WASF1: variants seen among roughly 807,000 people sequenced by gnomAD.
WASF1 encodes WASP family member 1.
Under a neutral mutation model 50.5 loss-of-function variants are expected in WASF1, and 7 were observed. The ratio of observed to expected loss-of-function variants is 0.14; its 90% CI spans 0.08 to 0.26. The LOEUF is 0.26. Ranked by LOEUF, WASF1 falls within the 10% of genes least tolerant of loss-of-function variation. WASF1 has a pLI of 1.00. For missense variants in WASF1, 470 were observed against 694.7 expected, an observed-to-expected ratio of 0.68 and a Z score of 3.64; for synonymous variants, 205 against 244.0, an observed-to-expected ratio of 0.84 and a Z score of 1.49.
At chr6:110,162,378 G>C (rs1360068435) in intron 2 of WASF1, among the ~76,000 whole-genome samples, 3 of 145,730 alleles carry the variant, frequency 2.1e-5, no homozygotes, top group Non-Finnish European at 4.5e-5. Context: ...TAAAGGAACA[G>C]ACAGAAGCAG....
At position 110,137,246 on chromosome 6, in the gene WASF1, A is replaced by G. The variant is rs114496651; in HGVS notation, c.-28-9617T>C. Among the ~76,000 whole-genome samples, 243 of 152,300 alleles carry G rather than the reference A, an allele frequency of 1.6e-3. 3 individuals carry two copies. The highest frequency in any genetic ancestry group is 5.5e-3 in the African/African-American group (228 of 41,558). On this transcript the variant is annotated intron_variant, in intron 3 of 10. Coordinates refer to ENST00000392589, the MANE Select transcript of WASF1 (RefSeq NM_003931.3). ...CAAAACATTCAAAACTGAATTCCTTATATTTTCCCCTTCAAATCTAGGCAT... is the reference window on the plus strand; with the variant it reads ...CAAAACATTCAAAACTGAATTCCTTGTATTTTCCCCTTCAAATCTAGGCAT...
chr6:110,158,756 G>C (rs1776132587), intron 3 of WASF1, among the ~76,000 whole-genome samples: 1 of 151,822 alleles, frequency 6.6e-6, no homozygotes, highest in Non-Finnish European at 1.5e-5. Flanking sequence ...TTGGAGTTAA[G>C]AATGAAGATT....
At chr6:110,172,434 A>T (rs1386099195) in intron 2 of WASF1, among the ~76,000 whole-genome samples, 1 of 152,156 alleles carries the variant, frequency 6.6e-6, no homozygotes, top group Non-Finnish European at 1.5e-5. Flanking sequence ...AACAAAATTG[A>T]TAAATTTGTA....
intron 2 of WASF1, among the ~76,000 whole-genome samples, chr6:110,174,198 T>C (rs1340668915): frequency 6.6e-6 from 1 of 152,054 alleles, no homozygotes; most frequent in African/African-American, 2.4e-5. Flanking sequence ...CTAGCTAACT[T>C]CCACTAATCT....
chr6:110,141,410 T>C (rs781482925), intron 3 of WASF1, among the ~76,000 whole-genome samples: 2 of 152,166 alleles, frequency 1.3e-5, no homozygotes, highest in African/African-American at 2.4e-5. Flanking sequence ...TATATAATTG[T>C]TCAAGACTAG....
intron 3 of WASF1, among the ~76,000 whole-genome samples, chr6:110,131,700 G>T (rs113630774): frequency 0.017 from 2,634 of 152,118 alleles, 74 homozygotes; most frequent in African/African-American, 0.059. Context: ...ATGGGGTCCT[G>T]CCATGTTGTC....
At chr6:110,129,876 T>A (rs1774584137) in intron 3 of WASF1, among the ~76,000 whole-genome samples, 1 of 152,220 alleles carries the variant, frequency 6.6e-6, no homozygotes, top group Admixed American at 6.5e-5. Flanking sequence ...TTAAAGAGCG[T>A]ACGTTAAAAT....
At chr6:110,168,672 G>A (rs1776574080) in intron 2 of WASF1, among the ~76,000 whole-genome samples, 2 of 151,990 alleles carry the variant, frequency 1.3e-5, no homozygotes, top group South Asian at 2.1e-4. Flanking sequence ...TCTCTCTCGA[G>A]TACTCCACTG....
intron 3 of WASF1, among the ~76,000 whole-genome samples, chr6:110,153,396 A>C (rs1249016012): frequency 6.6e-6 from 1 of 152,162 alleles, no homozygotes; most frequent in African/African-American, 2.4e-5. Context: ...TGTACAATGT[A>C]ATGATAAACT....
chr6:110,113,713 T>C (rs1180907140), intron 4 of WASF1, among the ~76,000 whole-genome samples: 1 of 152,160 alleles, frequency 6.6e-6, no homozygotes, highest in Non-Finnish European at 1.5e-5. Flanking sequence ...AATAAATACA[T>C]TGAAAATTTT....
intron 2 of WASF1, among the ~76,000 whole-genome samples, chr6:110,168,753 A>G (rs1347091626): frequency 6.6e-6 from 1 of 152,004 alleles, no homozygotes; most frequent in African/African-American, 2.4e-5. Context: ...CTGTGCACAG[A>G]CTTTTTTAAT....
intron 2 of WASF1, among the ~76,000 whole-genome samples, chr6:110,169,404 G>C (rs1776601001): frequency 6.6e-6 from 1 of 152,098 alleles, no homozygotes; most frequent in Admixed American, 6.6e-5. Flanking sequence ...AAATCACTTA[G>C]GATTTGAGAT....
rs145857784 is a variant in WASF1, at chr6:110,132,821, G to A, written c.-28-5192C>T. ...TCATTCTGGAGTTACTTCACTTACA[G>A]TAATAGTCTCCAATTCCATTCAGCT... On this transcript the variant is annotated intron_variant, in intron 3 of 10. Transcript: ENST00000392589. Among the ~76,000 whole-genome samples, 1,162 of 151,638 alleles carry A rather than the reference G, an allele frequency of 7.7e-3. 7 individuals carry two copies. Among genetic ancestry groups the A allele is most frequent in the Non-Finnish European group, 0.013 (849 of 67,868 alleles).
At chr6:110,103,775 T>A (rs1773197337) in intron 8 of WASF1, among the ~76,000 whole-genome samples, 2 of 152,254 alleles carry the variant, frequency 1.3e-5, no homozygotes, top group African/African-American at 4.8e-5. Flanking sequence ...TCTACTATGA[T>A]GACCATCGGT....
intron 3 of WASF1, among the ~76,000 whole-genome samples, chr6:110,153,391 A>G (rs1445603655): frequency 6.6e-6 from 1 of 152,160 alleles, no homozygotes; most frequent in African/African-American, 2.4e-5. Flanking sequence ...CTAGCTGTAC[A>G]ATGTAATGAT....
At chr6:110,143,913 C>T (rs530068904) in intron 3 of WASF1, among the ~76,000 whole-genome samples, 23 of 152,246 alleles carry the variant, frequency 1.5e-4, no homozygotes, top group South Asian at 6.2e-4. Flanking sequence ...AATAGTGCCG[C>T]GATAAACATA....
intron 3 of WASF1, among the ~76,000 whole-genome samples, chr6:110,143,952 A>AT: frequency 6.6e-6 from 1 of 152,172 alleles, no homozygotes; most frequent in East Asian, 1.9e-4. Flanking sequence ...TAGCAGCATG[A>AT]TTTATAGTCC....
intron 2 of WASF1, among the ~76,000 whole-genome samples, chr6:110,173,399 T>C (rs1201989730): frequency 6.6e-6 from 1 of 152,156 alleles, no homozygotes; most frequent in Non-Finnish European, 1.5e-5. Flanking sequence ...AGAATTTCTT[T>C]AGGACCTTTA....
intron 3 of WASF1, among the ~76,000 whole-genome samples, chr6:110,136,761 T>G (rs1276193872): frequency 6.6e-6 from 1 of 152,240 alleles, no homozygotes; most frequent in Non-Finnish European, 1.5e-5. Context: ...TATTTTTCTT[T>G]AACTTAGTTT....
Sources: allele counts gnomAD v4.1 joint callset (sites outside exome capture counted in the v4.1 genomes callset), GRCh38; gene constraint gnomAD v4.1.1; transcripts MANE v1.5; gene names NCBI Gene and HGNC (gene_info 2026-07-23, HGNC 2026-07-21).